Variants in RUNX1 observed in about 807,000 individuals in gnomAD.
RUNX1 encodes runt-related transcription factor 1.
Under a neutral mutation model 42.8 loss-of-function variants are expected in RUNX1, and 19 were observed. The observed-to-expected ratio is 0.44, with a 90% confidence interval of 0.31 to 0.65. The LOEUF is 0.65. RUNX1 is among the 30% of genes least tolerant of loss of function. RUNX1 has a pLI of 0.07. For synonymous variants in RUNX1, 271 were observed against 289.4 expected (o/e 0.94, Z 0.64); for missense variants, 528 against 672.0 (o/e 0.79, Z 2.37).
At chr21:34,994,977 C>T (rs192131095) in intron 2 of RUNX1, among the ~76,000 whole-genome samples, 1 of 152,234 alleles carries the variant, frequency 6.6e-6, no homozygotes, top group African/African-American at 2.4e-5. Context: ...GAGCTCCAGA[C>T]AGGCCCGTGA....
chr21:34,969,578 C>T (rs1031676391), intron 2 of RUNX1, among the ~76,000 whole-genome samples: 2 of 152,120 alleles, frequency 1.3e-5, no homozygotes, highest in African/African-American at 4.8e-5. Flanking sequence ...CAGCGAGAGG[C>T]ACTTTGTACT....
At chr21:34,864,349 A>C (rs2057624943) in intron 5 of RUNX1, among the ~76,000 whole-genome samples, 1 of 152,234 alleles carries the variant, frequency 6.6e-6, no homozygotes, top group Admixed American at 6.5e-5. Context: ...GAATAGTGAG[A>C]AATCACAGGA....
At chr21:34,794,815 C>T (rs1199283634) in intron 8 of RUNX1, among the ~76,000 whole-genome samples, 1 of 152,180 alleles carries the variant, frequency 6.6e-6, no homozygotes, top group East Asian at 1.9e-4. Flanking sequence ...TCTCGTTCAT[C>T]GTAGGATGTG....
chr21:34,799,918 CTT>C (rs916797989), intron 7 of RUNX1, among the ~76,000 whole-genome samples: 1 of 151,122 alleles, frequency 6.6e-6, no homozygotes, highest in Non-Finnish European at 1.5e-5. Context: ...GAGTTTTGGG[CTT>C]TTTTTTTATA....
chr21:34,998,095 T>G (rs1329703085), intron 2 of RUNX1, among the ~76,000 whole-genome samples: 2 of 152,182 alleles, frequency 1.3e-5, no homozygotes, highest in Non-Finnish European at 2.9e-5. Flanking sequence ...GGGTAAGCAT[T>G]GCATCTTCTA....
chr21:34,961,899 T>C (rs2058684426), intron 2 of RUNX1, among the ~76,000 whole-genome samples: 1 of 152,142 alleles, frequency 6.6e-6, no homozygotes. Flanking sequence ...TTTTTTTTCT[T>C]TTTCCTTTTG....
rs554465437 is a variant in RUNX1 at position 34,929,627 on chromosome 21, C to T, written c.59-36664G>A. 2.0e-5 allele frequency among the ~76,000 whole-genome samples: 3 copies of T among 152,174 alleles called. No individual in the cohort carries two copies. The East Asian group carries it at 5.8e-4, about 29-fold the overall frequency. On this transcript the variant is annotated intron_variant, in intron 2 of 8. Coordinates refer to ENST00000675419, the MANE Select transcript of RUNX1 (RefSeq NM_001754.5). Reference sequence around the variant, plus strand: ...CTGGCACTGGTTTTGAATAAAATACCAGTGAGGAAAATTTTTAAAATACTC... The same window carrying T: ...CTGGCACTGGTTTTGAATAAAATACTAGTGAGGAAAATTTTTAAAATACTC...
In RUNX1 at chr21:34,930,303, T is replaced by C. The variant is rs1011645870; in HGVS notation, c.59-37340A>G. On this transcript the variant is annotated intron_variant, in intron 2 of 8. Transcript: ENST00000675419. ...ATATATATATATATAAATAAATAAA[T>C]AAAATTTTACAACTAACATTAGCCA... Among the ~76,000 whole-genome samples, 154 of 144,498 alleles carry C rather than the reference T, an allele frequency of 1.1e-3. 1 individual carries two copies. The highest frequency in any genetic ancestry group is 8.7e-4 in the Non-Finnish European group (58 of 66,938). The allele number at this position is 144,498 out of a possible 152,430, so 94.8% of individuals were successfully genotyped here.
At chr21:34,890,546 G>A (rs1601538165) in intron 3 of RUNX1, among the ~76,000 whole-genome samples, 1 of 152,200 alleles carries the variant, frequency 6.6e-6, no homozygotes, top group East Asian at 1.9e-4. Context: ...TCAGGAGCCC[G>A]GGCTTCCGGG....
intron 2 of RUNX1, among the ~76,000 whole-genome samples, chr21:35,006,454 C>T (rs2059085662): frequency 6.6e-6 from 1 of 152,138 alleles, no homozygotes; most frequent in Admixed American, 6.5e-5. Flanking sequence ...CTCTAGCAGA[C>T]ATAGAAGAAA....
intron 2 of RUNX1, among the ~76,000 whole-genome samples, chr21:35,043,453 G>C (rs1176829370): frequency 6.6e-6 from 1 of 152,140 alleles, no homozygotes; most frequent in Admixed American, 6.5e-5. Context: ...GTTGGAGAAA[G>C]CAATTACGAA....
Position 34,858,662 on chromosome 21 carries a change from C to T in RUNX1, c.613+812G>A, listed in dbSNP as rs114822646. Among the ~76,000 whole-genome samples the T allele has an allele frequency of 6.4e-3, 979 of 152,232 alleles. 10 individuals carry two copies. The highest frequency in any genetic ancestry group is 0.022 in the African/African-American group (916 of 41,520). On this transcript the variant is annotated intron_variant, in intron 6 of 8. Coordinates refer to ENST00000675419, the MANE Select transcript of RUNX1 (RefSeq NM_001754.5). ...AAGAAGAGAGTATATTAATTTTCCA[C>T]CAGGGACCTGATACGGTTTGGAGAC...
At chr21:34,809,647 C>A (rs1024062624) in intron 7 of RUNX1, among the ~76,000 whole-genome samples, 4 of 152,122 alleles carry the variant, frequency 2.6e-5, no homozygotes, top group Non-Finnish European at 4.4e-5. Context: ...GCATGGAAGG[C>A]CGTGCTTTAC....
At chr21:34,888,967 G>A (rs865963576) in intron 3 of RUNX1, among the ~76,000 whole-genome samples, 3 of 151,384 alleles carry the variant, frequency 2.0e-5, no homozygotes, top group African/African-American at 7.2e-5. Context: ...GCCCGCGTGC[G>A]GACCCCTTTC....
At chr21:35,027,154 AG>A (rs778312077) in intron 2 of RUNX1, among the ~76,000 whole-genome samples, 1 of 152,074 alleles carries the variant, frequency 6.6e-6, no homozygotes, top group East Asian at 1.9e-4. Flanking sequence ...GGGCGAAGGG[AG>A]GGGGTGAAGC....
At chr21:34,860,276 G>T (rs566969195) in intron 5 of RUNX1, among the ~76,000 whole-genome samples, 1 of 152,192 alleles carries the variant, frequency 6.6e-6, no homozygotes, top group Non-Finnish European at 1.5e-5. Flanking sequence ...TAAAAGGTGA[G>T]AAAATCTTCA....
chr21:34,812,150 T>A (rs1255508625), intron 7 of RUNX1, among the ~76,000 whole-genome samples: 1 of 152,252 alleles, frequency 6.6e-6, no homozygotes, highest in East Asian at 1.9e-4. Context: ...ATAATTGGAT[T>A]TCTTTGGCTT....
chr21:34,998,563 A>G (rs1279207606), intron 2 of RUNX1, among the ~76,000 whole-genome samples: 1 of 151,120 alleles, frequency 6.6e-6, no homozygotes, highest in Non-Finnish European at 1.5e-5. Flanking sequence ...TTTTTTTGAG[A>G]TGGAGTCTTG....
At chr21:34,853,221 A>C (rs1205056578) in intron 6 of RUNX1, among the ~76,000 whole-genome samples, 2 of 152,154 alleles carry the variant, frequency 1.3e-5, no homozygotes, top group African/African-American at 4.8e-5. Flanking sequence ...TGTGACCAGC[A>C]TGGCCATGGC....
Sources: gnomAD v4.1 joint callset for allele counts (sites outside exome capture counted in the v4.1 genomes callset) on GRCh38, gnomAD v4.1.1 for gene constraint, MANE v1.5 for transcripts, NCBI Gene and HGNC (gene_info 2026-07-23, HGNC 2026-07-21) for gene names.